Variants in SLC44A5 observed in about 807,000 individuals in gnomAD.
SLC44A5 encodes the protein solute carrier family 44 member 5.
Under a neutral mutation model 101.8 loss-of-function variants are expected in SLC44A5, and 57 were observed. The observed-to-expected ratio is 0.56, with a 90% CI of 0.45 to 0.70. The LOEUF (loss-of-function observed/expected upper bound fraction) is 0.70. Among genes scored for constraint, SLC44A5 ranks in the 30% least tolerant of loss-of-function variants. The pLI is 0.00. For synonymous variants in SLC44A5, 281 were observed against 290.9 expected (o/e 0.97, Z 0.35); for missense variants, 737 against 853.1 (o/e 0.86, Z 1.70).
At chr1:75,704,612 A>T in the SLC44A5 span, among the ~76,000 whole-genome samples, 2 of 151,978 alleles carry the variant, frequency 1.3e-5, no homozygotes, top group Non-Finnish European at 2.9e-5. Flanking sequence ...TTTCTTTTCC[A>T]TTATGTTTTG....
chr1:75,413,572 C>A (rs775127011), intron 2 of SLC44A5, among the ~76,000 whole-genome samples: 1 of 152,114 alleles, frequency 6.6e-6, no homozygotes, highest in African/African-American at 2.4e-5. Context: ...TTTACTGAAT[C>A]ACTAGTACTT....
intron 2 of SLC44A5, among the ~76,000 whole-genome samples, chr1:75,477,773 T>C (rs1667526035): frequency 6.6e-6 from 1 of 152,176 alleles, no homozygotes; most frequent in Admixed American, 6.5e-5. Context: ...AATCTACGTC[T>C]GACTGGTGTA....
intron 3 of SLC44A5, among the ~76,000 whole-genome samples, chr1:75,385,030 C>T (rs572544849): frequency 3.5e-4 from 53 of 152,208 alleles, no homozygotes; most frequent in African/African-American, 1.1e-3. Context: ...ACACAACATA[C>T]CAGAATCTCT....
rs149065028 is a variant in SLC44A5, at chr1:75,367,502, C to T, written c.53-27872G>A. The stretch of plus-strand genomic sequence containing the variant: ...GGCTCCTGCTGGGTCATTCCTGTTG[C>T]ATTATTCATCAGACAGGACTGCTCC... On this transcript the variant is annotated intron_variant, in intron 3 of 23. Transcript: ENST00000370859. Among the ~76,000 whole-genome samples the T allele has an allele frequency of 4.1e-3, 629 of 152,266 alleles. 7 individuals are homozygous for T. Among genetic ancestry groups the T allele is most frequent in the South Asian group, 0.039 (189 of 4,826 alleles).
chr1:75,317,673 G>A (rs1655799247), intron 4 of SLC44A5, among the ~76,000 whole-genome samples: 1 of 152,106 alleles, frequency 6.6e-6, no homozygotes, highest in African/African-American at 2.4e-5. Context: ...TGACAGTTCT[G>A]GGGGCTGTGA....
chr1:75,712,975 C>G, the SLC44A5 span, among the ~76,000 whole-genome samples: 34 of 152,202 alleles, frequency 2.2e-4, no homozygotes, highest in East Asian at 1.7e-3. Flanking sequence ...AGTAATCCTG[C>G]TATGTACTTC....
the SLC44A5 span, among the ~76,000 whole-genome samples, chr1:75,649,717 A>G: frequency 6.6e-6 from 1 of 152,158 alleles, no homozygotes; most frequent in Non-Finnish European, 1.5e-5. Flanking sequence ...TAACTCTCTA[A>G]GATATAAAAT....
intron 2 of SLC44A5, among the ~76,000 whole-genome samples, chr1:75,464,098 T>C (rs988430079): frequency 6.6e-5 from 10 of 151,782 alleles, no homozygotes; most frequent in Non-Finnish European, 1.3e-4. Context: ...GGCATGCACC[T>C]GTAGTCCTAG....
At chr1:75,524,187 T>G (rs1281357936) in intron 2 of SLC44A5, among the ~76,000 whole-genome samples, 1 of 152,118 alleles carries the variant, frequency 6.6e-6, no homozygotes, top group Admixed American at 6.6e-5. Context: ...TGTTTAAAAG[T>G]GTGTGGCACT....
chr1:75,452,790 A>G (rs1665977823), intron 2 of SLC44A5, among the ~76,000 whole-genome samples: 1 of 152,160 alleles, frequency 6.6e-6, no homozygotes, highest in Non-Finnish European at 1.5e-5. Flanking sequence ...AAACAAGGGC[A>G]AAGGGGGGCA....
intron 4 of SLC44A5, among the ~76,000 whole-genome samples, chr1:75,321,051 T>A (rs191974608): frequency 4.1e-4 from 62 of 152,280 alleles, no homozygotes; most frequent in African/African-American, 1.2e-3. Flanking sequence ...AATTACACTT[T>A]AGTATCATAA....
the SLC44A5 span, among the ~76,000 whole-genome samples, chr1:75,715,804 A>G: frequency 6.6e-6 from 1 of 152,234 alleles, no homozygotes; most frequent in Non-Finnish European, 1.5e-5. Context: ...ATAGGACCCA[A>G]TTAAAGTAAC....
chr1:75,490,488 A>G (rs183588128), intron 2 of SLC44A5, among the ~76,000 whole-genome samples: 30 of 152,308 alleles, frequency 2.0e-4, no homozygotes, highest in African/African-American at 7.2e-4. Flanking sequence ...TATAGAAGAA[A>G]TATTTATAAT....
intron 1 of SLC44A5, among the ~76,000 whole-genome samples, chr1:75,563,045 C>T (rs1018485545): frequency 8.5e-5 from 13 of 152,146 alleles, no homozygotes; most frequent in Admixed American, 2.0e-4. Context: ...GCAATCATTA[C>T]ATTCTGTGGA....
Position 75,498,601 on chromosome 1 carries a change from TTTCTA to T in SLC44A5, c.13+42829_13+42833del, listed in dbSNP as rs1351517813. Among the ~76,000 whole-genome samples the T allele has an allele frequency of 2.6e-5, 4 of 152,142 alleles. No individual in the cohort carries two copies. The East Asian group carries it at 7.7e-4, about 29-fold the overall frequency. On this transcript the variant is annotated intron_variant, in intron 2 of 23. Transcript: ENST00000370859. ...TTTTAACTTAAGTCTTCAAAAATAT[TTTCTA>T]TTTAATAATACAATGAAAGCTATGC...
At chr1:75,642,701 A>G in the SLC44A5 span, among the ~76,000 whole-genome samples, 1 of 151,952 alleles carries the variant, frequency 6.6e-6, no homozygotes, top group Non-Finnish European at 1.5e-5. Context: ...GAGAAGTATG[A>G]GGAGGAGGAG....
chr1:75,426,810 G>C (rs1411011368), intron 2 of SLC44A5, among the ~76,000 whole-genome samples: 1 of 152,218 alleles, frequency 6.6e-6, no homozygotes, highest in Non-Finnish European at 1.5e-5. Flanking sequence ...AAGAAGCAGG[G>C]AGAGAAGAGA....
At chr1:75,374,672 C>A (rs1660453952) in intron 3 of SLC44A5, among the ~76,000 whole-genome samples, 1 of 152,120 alleles carries the variant, frequency 6.6e-6, no homozygotes, top group Non-Finnish European at 1.5e-5. Context: ...TGGATTGCAA[C>A]CTGAATCACA....
At chr1:75,668,058 T>A in the SLC44A5 span, among the ~76,000 whole-genome samples, 2 of 152,210 alleles carry the variant, frequency 1.3e-5, no homozygotes, top group Non-Finnish European at 2.9e-5. Context: ...TAATTTGCCA[T>A]TTGTGAAACT....
Sources: allele counts gnomAD v4.1 joint callset (sites outside exome capture counted in the v4.1 genomes callset), GRCh38; gene constraint gnomAD v4.1.1; transcripts MANE v1.5; gene names NCBI Gene and HGNC (gene_info 2026-07-23, HGNC 2026-07-21).